TACC3: variants seen among roughly 807,000 people sequenced by gnomAD.
TACC3 encodes the protein transforming acidic coiled-coil containing protein 3.
In TACC3, 52 loss-of-function variants were observed where a neutral mutation model predicts 86.0. The ratio of observed to expected loss-of-function variants is 0.60; its 90% CI spans 0.48 to 0.76. The LOEUF is 0.76. Ranked by LOEUF, TACC3 falls within the 30% of genes least tolerant of loss-of-function variation. The probability of loss-of-function intolerance (pLI) is 0.00; values close to 1 mark genes in which losing one functional copy is unlikely to be tolerated. For missense variants in TACC3, 1,120 were observed against 1,070.4 expected, an observed-to-expected ratio of 1.05 and a Z score of -0.65; for synonymous variants, 512 against 430.0, an observed-to-expected ratio of 1.19 and a Z score of -2.36.
intron 6 of TACC3, among the ~76,000 whole-genome samples, chr4:1,731,639 CCTT>C (rs1461178400): frequency 2.0e-5 from 3 of 152,020 alleles, no homozygotes; most frequent in African/African-American, 7.2e-5. Context: ...CTTGAAACGA[CCTT>C]CTTTTTTTTT....
chr4:1,728,774 C>T lies in TACC3; in HGVS notation c.1372C>T (p.Pro458Ser), dbSNP rs762236550. 1.9e-6 allele frequency: 3 copies of T among 1,606,512 alleles called. No individual in the cohort carries two copies. The Admixed American group carries it at 5.1e-5, about 27-fold the overall frequency. Residue 458 changes from proline (P) to serine (S), a missense_variant, in exon 4 of 16, where the codon CCC (proline) becomes TCC (serine). Transcript: ENST00000313288. ...TGGGCCTGCCACGGAGGAGCCAGGT[C>T]CCTGTCTGAGCCAGTAAGTGTGAGG... ...HAGPATEEPG[P>S]CLSQQLHSAS...
intron 3 of TACC3, among the ~76,000 whole-genome samples, chr4:1,725,624 C>T (rs1313989365): frequency 6.6e-6 from 1 of 152,218 alleles, no homozygotes; most frequent in African/African-American, 2.4e-5. Context: ...CAGGATCACC[C>T]AGCAGCCTCC....
chr4:1,741,202 A>G, intron 13 of TACC3: 2 of 471,316 alleles, frequency 4.2e-6, no homozygotes, highest in African/African-American at 2.0e-5. Context: ...CAGAGTGAGC[A>G]GGGAGGCCAT....
chr4:1,735,161 A>G lies in TACC3; in HGVS notation c.1592-112A>G. ...AACATCCACACCTCCAAGGGAGGAA[A>G]TACTGCTGGCTGGAATGATCCTGCC... On this transcript the variant is annotated intron_variant, in intron 6 of 15. Transcript: ENST00000313288. This position sits in a 1 kb window ranked among gnomAD's most constrained non-coding sequence, Gnocchi z 4.2. 1 of 1,441,596 alleles carries G rather than the reference A, an allele frequency of 6.9e-7. No homozygotes were observed. Among genetic ancestry groups the G allele is most frequent in the South Asian group, 1.2e-5 (1 of 82,910 alleles). The allele number at this position is 1,441,596 out of a possible 1,614,324, so 89.3% of individuals were successfully genotyped here.
rs757494855 is a variant in TACC3 at position 1,737,332 on chromosome 4, A to T, written c.1836+4A>T. On this transcript the variant is annotated splice_donor_region_variant and intron_variant, in intron 9 of 15. Transcript: ENST00000313288. The stretch of plus-strand genomic sequence containing the variant: ...CTTGGGAGCACTGGACATTCCTGTA[A>T]GTCCTTGAGTCCCTCTTGAACTGTC... 6.2e-7 allele frequency: 1 copy of T among 1,613,230 alleles called. No individual in the cohort carries two copies. Among genetic ancestry groups the T allele is most frequent in the Non-Finnish European group, 8.5e-7 (1 of 1,179,256 alleles).
At position 1,730,888 on chromosome 4, in the gene TACC3, C is replaced by T; in HGVS notation, c.1387C>T (p.Gln463Ter). 1 of 1,613,136 alleles carries T rather than the reference C, an allele frequency of 6.2e-7. No individual in the cohort carries two copies. Among genetic ancestry groups the T allele is most frequent in the Non-Finnish European group, 8.5e-7 (1 of 1,180,006 alleles). ...CCTCTGCTGACTCTGTCTCCCCAGG[C>T]AGCTGCATTCAGCCTCAGCGGAGGA... ...TEEPGPCLSQ[Q>*]LHSASAEDTP... Residue 463 changes from glutamine (Q) to a stop codon, truncating the protein, a stop_gained and splice_region_variant, in exon 5 of 16, where the codon CAG becomes TAG. Transcript: ENST00000313288. LOFTEE classifies it high-confidence loss of function.
chr4:1,728,908 TGAG>T, intron 4 of TACC3, 121 bp downstream of exon 4: 1 of 1,005,930 alleles, frequency 9.9e-7, no homozygotes. Context: ...AGGTTCTGCC[TGAG>T]GAGGGGCCTC....
intron 6 of TACC3, among the ~76,000 whole-genome samples, chr4:1,734,392 T>G (rs1718152398): frequency 6.6e-6 from 1 of 152,180 alleles, no homozygotes; most frequent in Non-Finnish European, 1.5e-5. Flanking sequence ...TTCCCCATGT[T>G]GGCCAGGCTG....
intron 10 of TACC3, 100 bp from the exon 11 acceptor site, chr4:1,739,602 C>A: frequency 8.7e-7 from 1 of 1,155,406 alleles, no homozygotes; most frequent in Non-Finnish European, 1.2e-6. Flanking sequence ...TGGGACATTG[C>A]TCCAGGGACC....
At chr4:1,723,627 G>C (rs768358764) in intron 2 of TACC3, 44 bp downstream of exon 2, 1 of 1,609,208 alleles carries the variant, frequency 6.2e-7, no homozygotes. Flanking sequence ...GGTTGCCCTA[G>C]GGCCTGCTTT....
In TACC3 at chr4:1,731,200, C is replaced by T. The variant is rs145691742; in HGVS notation, c.1490C>T (p.Ser497Leu). The T allele has an allele frequency of 3.4e-5, 55 of 1,613,260 alleles. No homozygotes were observed. Among genetic ancestry groups the T allele is most frequent in the South Asian group, 2.5e-4 (23 of 91,080 alleles). ...KERALNSASTSLPTSCPGSEP... is the reference protein window; with the variant it reads ...KERALNSASTLLPTSCPGSEP... ...AGAGCCTTGAACTCTGCCAGCACCT[C>T]GCTTCCCACAAGCTGTCCAGGCAGT... Residue 497 changes from serine (S) to leucine (L), a missense_variant, in exon 6 of 16, where the codon TCG becomes TTG. Transcript: ENST00000313288.
At chr4:1,730,679 G>C (rs1398901442) in intron 4 of TACC3, 1 of 708,076 alleles carries the variant, frequency 1.4e-6, no homozygotes, top group South Asian at 1.5e-5. Flanking sequence ...TGGCAGGCAA[G>C]GCGCGTGTTT....
Position 1,731,231 on chromosome 4 carries a change from A to G in TACC3, c.1521A>G (p.Pro507=). ...SLPTSCPGSE[P]VPTHQQGQPA... is the part of the protein sequence containing the mutation. ...CCACAAGCTGTCCAGGCAGTGAGCC[A>G]GTGCCCACCCATCAGCAGGGGCAGC... The change falls in exon 6 of 16, where the codon CCA becomes CCG. Residue 507 remains proline, a synonymous_variant. Transcript: ENST00000313288. 2 of 1,613,428 alleles carry G rather than the reference A, an allele frequency of 1.2e-6. No individual in the cohort carries two copies. The highest frequency in any genetic ancestry group is 8.5e-7 in the Non-Finnish European group (1 of 1,180,016).
chr4:1,726,367 C>G (rs1717688689), intron 3 of TACC3, among the ~76,000 whole-genome samples: 2 of 152,180 alleles, frequency 1.3e-5, no homozygotes, highest in Non-Finnish European at 2.9e-5. Context: ...CACAGCACTG[C>G]CAGTCCCCGA....
At chr4:1,725,498 G>T (rs1717641137) in intron 3 of TACC3, among the ~76,000 whole-genome samples, 1 of 152,148 alleles carries the variant, frequency 6.6e-6, no homozygotes, top group Non-Finnish European at 1.5e-5. Flanking sequence ...ATCAAACATT[G>T]GTTTACAACG....
intron 6 of TACC3, among the ~76,000 whole-genome samples, chr4:1,731,889 C>A (rs775566860): frequency 1.3e-5 from 2 of 152,280 alleles, no homozygotes; most frequent in South Asian, 2.1e-4. Flanking sequence ...CTGCCTCGGC[C>A]TCCCAAAGTG....
Position 1,739,727 on chromosome 4 carries a change from G to C in TACC3, c.1967G>C (p.Arg656Pro). The change falls in exon 11 of 16, where the codon CGG (arginine) becomes CCG (proline). Residue 656 changes from arginine (R) to proline (P), a missense_variant. Arg to Pro is a moderately radical substitution (Grantham distance 103, BLOSUM62 -2). Transcript: ENST00000313288. ...AVVKATQEEN[R>P]ELRSRCEELH... ...GTAAAGGCGACACAGGAGGAGAACC[G>C]GGAGCTGAGGAGCAGGTGTGAGGAG... 1 of 1,587,148 alleles carries C rather than the reference G, an allele frequency of 6.3e-7. No homozygotes were observed. Among genetic ancestry groups the C allele is most frequent in the Non-Finnish European group, 8.6e-7 (1 of 1,167,946 alleles).
At chr4:1,724,869 C>T (rs1228925458) in intron 3 of TACC3, among the ~76,000 whole-genome samples, 1 of 151,976 alleles carries the variant, frequency 6.6e-6, no homozygotes, top group Non-Finnish European at 1.5e-5. Flanking sequence ...TCAAGCAGTC[C>T]TCCACCTTGG....
In TACC3 at chr4:1,727,984, A is replaced by G; in HGVS notation, c.582A>G (p.Arg194=). The G allele has an allele frequency of 6.2e-7, 1 of 1,613,140 alleles. No individual in the cohort carries two copies. Among genetic ancestry groups the G allele is most frequent in the Non-Finnish European group, 8.5e-7 (1 of 1,180,034 alleles). ...TTAGTTCCTATTCCTTAGACAGAAGAGTGACACCCGCCTCTGAGACCCTAG... is the reference window on the plus strand; with the variant it reads ...TTAGTTCCTATTCCTTAGACAGAAGGGTGACACCCGCCTCTGAGACCCTAG... The part of the protein sequence containing the change: ...ENLSSYSLDR[R]VTPASETLED... The change falls in exon 4 of 16, where the codon AGA becomes AGG. Residue 194 remains arginine (R), a synonymous_variant. Coordinates refer to ENST00000313288, the MANE Select transcript of TACC3 (RefSeq NM_006342.3).
Sources: allele counts gnomAD v4.1 joint callset (sites outside exome capture counted in the v4.1 genomes callset), GRCh38; gene constraint gnomAD v4.1.1; non-coding constraint Gnocchi (gnomAD v3.1); transcripts MANE v1.5; gene names NCBI Gene and HGNC (gene_info 2026-07-23, HGNC 2026-07-21).